Variants in SPSB4 observed in about 807,000 individuals in gnomAD.
The protein encoded by SPSB4 is splA/ryanodine receptor domain and SOCS box containing 4, also known as SPRY domain-containing SOCS box protein 4.
Under a neutral mutation model 20.9 loss-of-function variants are expected in SPSB4, and 21 were observed. The ratio of observed to expected loss-of-function variants is 1.01; its 90% CI spans 0.71 to 1.45. SPSB4 has a LOEUF of 1.45. SPSB4 is among the 40% of genes most tolerant of loss of function. The pLI, the probability that SPSB4 is intolerant of heterozygous loss-of-function variation, is 0.00. For missense variants in SPSB4, 399 were observed against 399.2 expected (o/e 1.00, Z 0.00); for synonymous variants, 207 against 183.8 (o/e 1.13, Z -1.02).
At chr3:141,146,413 A>C (rs1939413293) in intron 2 of SPSB4, among the ~76,000 whole-genome samples, 1 of 152,184 alleles carries the variant, frequency 6.6e-6, no homozygotes, top group Non-Finnish European at 1.5e-5. Flanking sequence ...ACCCCTCTGC[A>C]GATCCACCCA....
rs763256725 is a variant in SPSB4, at chr3:141,066,800, T to G, written c.694+2T>G. On this transcript the variant is annotated splice_donor_variant, in intron 2 of 2. Coordinates refer to ENST00000310546, the MANE Select transcript of SPSB4 (RefSeq NM_080862.3). LOFTEE classifies it high-confidence loss of function. ...TGCGCTACATCAACGGCCTTGACCG[T>G]AAGTTGTGCTGGGCTGGGGGGCAGG... 2.0e-6 allele frequency: 3 copies of G among 1,535,454 alleles called. No homozygotes were observed.
intron 2 of SPSB4, among the ~76,000 whole-genome samples, chr3:141,134,049 C>CT (rs1939184001): frequency 2.9e-3 from 187 of 63,828 alleles, no homozygotes; most frequent in African/African-American, 3.2e-3. Flanking sequence ...TTTTTTTTTT[C>CT]TTTTTTCTTT....
intron 2 of SPSB4, among the ~76,000 whole-genome samples, chr3:141,083,750 T>C (rs112220874): frequency 0.012 from 1,763 of 152,264 alleles, 42 homozygotes; most frequent in African/African-American, 0.039. Flanking sequence ...TTGCCCATTC[T>C]GTTCTGTGCT....
chr3:141,101,472 G>A (rs188912859), intron 2 of SPSB4, among the ~76,000 whole-genome samples: 5 of 152,290 alleles, frequency 3.3e-5, no homozygotes, highest in African/African-American at 9.6e-5. Flanking sequence ...CAGCTACCAG[G>A]GGGAGAGCCC....
intron 1 of SPSB4, among the ~76,000 whole-genome samples, chr3:141,065,626 T>C (rs1217601832): frequency 1.3e-5 from 2 of 152,246 alleles, no homozygotes; most frequent in Admixed American, 1.3e-4. Context: ...TGACCTTGGT[T>C]TGAATCTTGG....
chr3:141,141,835 A>C (rs1292333480), intron 2 of SPSB4, among the ~76,000 whole-genome samples: 5 of 152,164 alleles, frequency 3.3e-5, no homozygotes. Context: ...GTATGTGTAA[A>C]GGTGTTAATA....
intron 2 of SPSB4, among the ~76,000 whole-genome samples, chr3:141,134,397 T>C (rs1939191368): frequency 6.6e-6 from 1 of 152,168 alleles, no homozygotes; most frequent in African/African-American, 2.4e-5. Context: ...CTCGTTCTAG[T>C]TCTCAGGGGG....
intron 1 of SPSB4, among the ~76,000 whole-genome samples, chr3:141,053,176 A>G (rs1303654912): frequency 2.6e-5 from 4 of 151,696 alleles, no homozygotes; most frequent in Non-Finnish European, 5.9e-5. Flanking sequence ...CCTTTCTCTC[A>G]GACTCTGAGC....
chr3:141,133,456 G>A (rs1939167422), intron 2 of SPSB4, among the ~76,000 whole-genome samples: 1 of 152,138 alleles, frequency 6.6e-6, no homozygotes, highest in South Asian at 2.1e-4. Flanking sequence ...CCCATCTTGA[G>A]GTGATTTTTG....
Position 141,144,069 on chromosome 3 carries a change from A to C in SPSB4, c.695-3073A>C, listed in dbSNP as rs1194819699. 2.0e-5 allele frequency among the ~76,000 whole-genome samples: 3 copies of C among 152,234 alleles called. No individual in the cohort carries two copies. The East Asian group carries it at 5.8e-4, about 29-fold the overall frequency. Reference sequence around the variant, plus strand: ...TTGAATCACCACAGCTGTTTGAGCAAACCTGGATTGGAGGACAAGCTATGC... The same window carrying C: ...TTGAATCACCACAGCTGTTTGAGCACACCTGGATTGGAGGACAAGCTATGC... On this transcript the variant is annotated intron_variant, in intron 2 of 2. Coordinates refer to ENST00000310546, the MANE Select transcript of SPSB4 (RefSeq NM_080862.3).
intron 1 of SPSB4, among the ~76,000 whole-genome samples, chr3:141,062,213 C>T (rs1937780158): frequency 6.6e-6 from 1 of 152,052 alleles, no homozygotes; most frequent in South Asian, 2.1e-4. Flanking sequence ...CTTTGTTTTT[C>T]TCATGATTAG....
chr3:141,054,020 T>C (rs1471279288), intron 1 of SPSB4, among the ~76,000 whole-genome samples: 2 of 152,236 alleles, frequency 1.3e-5, no homozygotes, highest in Non-Finnish European at 2.9e-5. Flanking sequence ...CTTTTCCTCC[T>C]AGTTTTTCAT....
intron 2 of SPSB4, among the ~76,000 whole-genome samples, chr3:141,101,577 C>T (rs143756798): frequency 5.9e-5 from 9 of 152,286 alleles, no homozygotes; most frequent in East Asian, 3.9e-4. Flanking sequence ...CAATAATCCC[C>T]GCCTCGCAAA....
intron 2 of SPSB4, among the ~76,000 whole-genome samples, chr3:141,119,656 A>G (rs950552120): frequency 2.6e-5 from 4 of 152,184 alleles, no homozygotes; most frequent in Non-Finnish European, 5.9e-5. Flanking sequence ...TTATTTATCC[A>G]GGAATTTATC....
At position 141,094,327 on chromosome 3, in the gene SPSB4, G is replaced by A. The variant is rs373681732; in HGVS notation, c.694+27529G>A. ...GTGCATGGGAACTTGGTGAATGAAT[G>A]AGTCATTGCATTTGTGCCTGGCTGT... On this transcript the variant is annotated intron_variant, in intron 2 of 2. Coordinates refer to ENST00000310546, the MANE Select transcript of SPSB4 (RefSeq NM_080862.3). 2.2e-4 allele frequency among the ~76,000 whole-genome samples: 34 copies of A among 152,344 alleles called. No homozygotes were observed. The East Asian group carries it at 6.6e-3, about 29-fold the overall frequency.
In SPSB4 at chr3:141,084,777, A is replaced by T. The variant is rs1938310569; in HGVS notation, c.694+17979A>T. ...TTTTCTGCACTACGGCAGCTGCTGG[A>T]GCTTCTATAGCTCAGAATGTCTGAC... On this transcript the variant is annotated intron_variant, in intron 2 of 2. Transcript: ENST00000310546. 2.0e-5 allele frequency among the ~76,000 whole-genome samples: 3 copies of T among 152,276 alleles called. No individual in the cohort carries two copies. In the East Asian group the frequency reaches 5.8e-4, roughly 29 times the overall value.
intron 2 of SPSB4, among the ~76,000 whole-genome samples, chr3:141,072,455 G>A (rs984787960): frequency 1.3e-5 from 2 of 152,150 alleles, no homozygotes; most frequent in Non-Finnish European, 2.9e-5. Flanking sequence ...TGCCCTCCTC[G>A]TGGTAATGAG....
At chr3:141,117,950 G>C (rs752137580) in intron 2 of SPSB4, among the ~76,000 whole-genome samples, 3 of 152,224 alleles carry the variant, frequency 2.0e-5, no homozygotes, top group African/African-American at 7.2e-5. Context: ...TGTGGATAGT[G>C]CTGCAATAAA....
At chr3:141,131,068 C>G (rs547965206) in intron 2 of SPSB4, among the ~76,000 whole-genome samples, 1 of 152,032 alleles carries the variant, frequency 6.6e-6, no homozygotes, top group Non-Finnish European at 1.5e-5. Flanking sequence ...GGGCTGATGG[C>G]CTGAAATAAG....
Sources: gnomAD v4.1 joint callset for allele counts (sites outside exome capture counted in the v4.1 genomes callset) on GRCh38, gnomAD v4.1.1 for gene constraint, MANE v1.5 for transcripts, NCBI Gene and HGNC (gene_info 2026-07-23, HGNC 2026-07-21) for gene names.